Variants in MARCHF11 observed in about 807,000 individuals in gnomAD.
The protein encoded by MARCHF11 is membrane associated ring-CH-type finger 11, also known as E3 ubiquitin-protein ligase MARCHF11.
In MARCHF11, 29 loss-of-function variants were observed where a neutral mutation model predicts 37.3. The observed-to-expected ratio is 0.78, with a 90% CI of 0.58 to 1.06. The LOEUF (loss-of-function observed/expected upper bound fraction) is 1.06. MARCHF11 is among the 50% of genes least tolerant of loss of function. The pLI is 0.00. For synonymous variants in MARCHF11, 233 were observed against 228.0 expected, an observed-to-expected ratio of 1.02 and a Z score of -0.20; for missense variants, 482 against 533.4, an observed-to-expected ratio of 0.90 and a Z score of 0.95.
chr5:16,084,371 G>A (rs549659475), intron 3 of MARCHF11, among the ~76,000 whole-genome samples: 7 of 152,304 alleles, frequency 4.6e-5, no homozygotes, highest in South Asian at 2.1e-4. Context: ...GGCCAGGTGC[G>A]ATGGCTCATG....
At chr5:16,111,164 T>C (rs888470951) in intron 2 of MARCHF11, among the ~76,000 whole-genome samples, 16 of 152,092 alleles carry the variant, frequency 1.1e-4, no homozygotes, top group Admixed American at 2.0e-4. Context: ...TTGGTACTGG[T>C]AGAGTGGGGT....
At chr5:16,097,308 T>C (rs538723074) in intron 2 of MARCHF11, among the ~76,000 whole-genome samples, 1 of 152,302 alleles carries the variant, frequency 6.6e-6, no homozygotes, top group Non-Finnish European at 1.5e-5. Context: ...AGGCTGCATA[T>C]TAAAAGTGAT....
At chr5:16,154,931 T>A (rs1226297494) in intron 2 of MARCHF11, among the ~76,000 whole-genome samples, 1 of 151,860 alleles carries the variant, frequency 6.6e-6, no homozygotes, top group African/African-American at 2.4e-5. Flanking sequence ...AATTTGGAAG[T>A]ATCTATCAAA....
chr5:16,167,019 G>A lies in MARCHF11; in HGVS notation c.693+10707C>T, dbSNP rs374615439. ...GTTCATTTACTTATGAACATACAACGATGTTCATTTACTTATGTCCCAACA... is the reference window on the plus strand; with the variant it reads ...GTTCATTTACTTATGAACATACAACAATGTTCATTTACTTATGTCCCAACA... On this transcript the variant is annotated intron_variant, in intron 2 of 3. Transcript: ENST00000332432. Among the ~76,000 whole-genome samples the A allele has an allele frequency of 1.5e-4, 5 of 34,036 alleles. 1 individual carries two copies. The highest frequency in any genetic ancestry group is 1.2e-3 in the East Asian group (1 of 836). The allele number at this position is 34,036 out of a possible 152,430, so 22.3% of individuals were successfully genotyped here.
chr5:16,088,519 T>C (rs1736736977), intron 3 of MARCHF11, among the ~76,000 whole-genome samples: 1 of 152,218 alleles, frequency 6.6e-6, no homozygotes, highest in Non-Finnish European at 1.5e-5. Context: ...TAATCTTTGT[T>C]ACTGTCTGCA....
intron 2 of MARCHF11, among the ~76,000 whole-genome samples, chr5:16,107,486 G>A (rs1737063585): frequency 6.6e-6 from 1 of 152,084 alleles, no homozygotes; most frequent in African/African-American, 2.4e-5. Flanking sequence ...AGTAAATTAA[G>A]GTGGCTTGTA....
At chr5:16,176,429 T>G (rs1738365398) in intron 2 of MARCHF11, among the ~76,000 whole-genome samples, 1 of 152,198 alleles carries the variant, frequency 6.6e-6, no homozygotes, top group Admixed American at 6.5e-5. Context: ...ATTCATAAAT[T>G]GATACCCAAG....
chr5:16,161,117 T>C (rs969490801), intron 2 of MARCHF11, among the ~76,000 whole-genome samples: 18 of 151,958 alleles, frequency 1.2e-4, no homozygotes, highest in Admixed American at 1.1e-3. Flanking sequence ...ACATGTGCCA[T>C]GTTGGTGTGC....
At chr5:16,135,407 A>C (rs1737591264) in intron 2 of MARCHF11, among the ~76,000 whole-genome samples, 1 of 152,190 alleles carries the variant, frequency 6.6e-6, no homozygotes, top group African/African-American at 2.4e-5. Flanking sequence ...AAATTGAAGA[A>C]TTAAAGAATT....
At chr5:16,168,915 T>C (rs1157752162) in intron 2 of MARCHF11, among the ~76,000 whole-genome samples, 2 of 152,060 alleles carry the variant, frequency 1.3e-5, no homozygotes, top group African/African-American at 4.8e-5. Context: ...TCTACAAATA[T>C]AACATAGGAA....
intron 2 of MARCHF11, among the ~76,000 whole-genome samples, chr5:16,152,758 G>A (rs1469439697): frequency 1.3e-5 from 2 of 151,932 alleles, no homozygotes; most frequent in East Asian, 3.9e-4. Context: ...CCAGTAAGTG[G>A]CATCATGTGT....
At chr5:16,121,435 G>T (rs1008667805) in intron 2 of MARCHF11, among the ~76,000 whole-genome samples, 3 of 152,192 alleles carry the variant, frequency 2.0e-5, no homozygotes, top group Non-Finnish European at 4.4e-5. Context: ...TAGGAACACA[G>T]TATATACTCG....
intron 2 of MARCHF11, among the ~76,000 whole-genome samples, chr5:16,125,938 G>A (rs73044657): frequency 1.1e-3 from 163 of 152,256 alleles, no homozygotes; most frequent in African/African-American, 3.6e-3. Flanking sequence ...TAGATACTAC[G>A]TCAATGTAAT....
chr5:16,160,282 T>C (rs1485637130), intron 2 of MARCHF11, among the ~76,000 whole-genome samples: 9 of 144,238 alleles, frequency 6.2e-5, no homozygotes, highest in Non-Finnish European at 1.4e-4. Context: ...ATATTAAATA[T>C]TTAATATTTA....
At position 16,179,022 on chromosome 5, in the gene MARCHF11, G is replaced by T; in HGVS notation, c.537+17C>A. 7.0e-7 allele frequency: 1 copy of T among 1,431,110 alleles called. No individual in the cohort carries two copies. The highest frequency in any genetic ancestry group is 3.0e-5 in the East Asian group (1 of 33,626). 88.7% of individuals were successfully genotyped at this position (1,431,110 alleles called of 1,614,324 possible). A position where few individuals can be genotyped will look rare whatever the true frequency, so the allele number is the denominator to read the frequency against. ...TGGAGCCGCCACCGGCTGCCTCGGG[G>T]TCTCGCCGGGCCTTACCTGCTCCGC... On this transcript the variant is annotated intron_variant, in intron 1 of 3. Transcript: ENST00000332432.
At chr5:16,079,471 T>G (rs1459644404) in intron 3 of MARCHF11, among the ~76,000 whole-genome samples, 1 of 152,208 alleles carries the variant, frequency 6.6e-6, no homozygotes, top group African/African-American at 2.4e-5. Flanking sequence ...CTGCTCTGCC[T>G]TCCAGAAACT....
chr5:16,074,713 T>A (rs1391767239), intron 3 of MARCHF11, among the ~76,000 whole-genome samples: 1 of 152,166 alleles, frequency 6.6e-6, no homozygotes, highest in Non-Finnish European at 1.5e-5. Context: ...GACAATGAAT[T>A]ATTGTGAAAC....
chr5:16,143,741 T>C (rs1175752281), intron 2 of MARCHF11, among the ~76,000 whole-genome samples: 1 of 152,062 alleles, frequency 6.6e-6, no homozygotes, highest in African/African-American at 2.4e-5. Flanking sequence ...ATTTGAGAAA[T>C]TTTTGTCTGG....
In MARCHF11 at chr5:16,179,463, T is replaced by G. The variant is rs1432359659; in HGVS notation, c.113A>C (p.Glu38Ala). Residue 38 changes from glutamate to alanine, a missense_variant, in exon 1 of 4, where the codon GAG becomes GCG. Physicochemically the swap from Glu to Ala is moderately radical, Grantham distance 107. Transcript: ENST00000332432. Reference protein sequence around the residue: ...PPPPPTPPPGEPAPVPAAPRY... With the variant: ...PPPPPTPPPGAPAPVPAAPRY... ...CGGGGCCGCGGGGACCGGGGCCGGC[T>G]CTCCCGGCGGCGGCGTCGGCGGCGG... 1 of 1,123,578 alleles carries G rather than the reference T, an allele frequency of 8.9e-7. No individual in the cohort carries two copies. The highest frequency in any genetic ancestry group is 5.0e-5 in the Admixed American group (1 of 20,020). The allele number at this position is 1,123,578 out of a possible 1,614,324, so 69.6% of individuals were successfully genotyped here. A position where few individuals can be genotyped will look rare whatever the true frequency, so the allele number is the denominator to read the frequency against.
Sources: allele counts gnomAD v4.1 joint callset (sites outside exome capture counted in the v4.1 genomes callset), GRCh38; gene constraint gnomAD v4.1.1; transcripts MANE v1.5; gene names NCBI Gene and HGNC (gene_info 2026-07-23, HGNC 2026-07-21).